The following PARD3 variants were observed in gnomAD, a reference collection of about 807,000 sequenced individuals.
PARD3 encodes the protein partitioning defective 3 homolog.
A neutral mutation model predicts 155.4 loss-of-function variants in PARD3; 75 were observed. The ratio of observed to expected loss-of-function variants is 0.48; its 90% confidence interval spans 0.40 to 0.58. The LOEUF (loss-of-function observed/expected upper bound fraction) is 0.58. Among genes scored for constraint, PARD3 ranks in the 20% least tolerant of loss-of-function variants. The probability of loss-of-function intolerance (pLI) is 0.00; values close to 1 mark genes in which losing one functional copy is unlikely to be tolerated. For missense variants in PARD3, 1,642 were observed against 1,721.7 expected (o/e 0.95, Z 0.82); for synonymous variants, 576 against 610.5 (o/e 0.94, Z 0.83).
At chr10:34,178,394 T>G (rs1199785056) in intron 22 of PARD3, among the ~76,000 whole-genome samples, 1 of 152,240 alleles carries the variant, frequency 6.6e-6, no homozygotes, top group African/African-American at 2.4e-5. Context: ...AAGATCACTT[T>G]GCACCACAAA....
chr10:34,545,429 T>C (rs1785463612), intron 2 of PARD3, among the ~76,000 whole-genome samples: 1 of 152,184 alleles, frequency 6.6e-6, no homozygotes, highest in Non-Finnish European at 1.5e-5. Context: ...TATAAACATT[T>C]GGACATGGTA....
Position 34,118,133 on chromosome 10 carries a change from C to A in PARD3, c.3668+1480G>T, listed in dbSNP as rs1588826611. ...CTCTTACCTACAGCAGGCTAAAGAA[C>A]CTGGCAATTCTCCTCTTTAAAGGAA... On this transcript the variant is annotated intron_variant, in intron 24 of 24. Coordinates refer to ENST00000374788, the MANE Select transcript of PARD3 (RefSeq NM_001184785.2). 2.0e-5 allele frequency among the ~76,000 whole-genome samples: 3 copies of A among 152,098 alleles called. No homozygotes were observed. In the South Asian group the frequency reaches 6.2e-4, roughly 32 times the overall value.
intron 2 of PARD3, among the ~76,000 whole-genome samples, chr10:34,518,024 G>A (rs1014087805): frequency 5.9e-5 from 9 of 152,072 alleles, no homozygotes; most frequent in African/African-American, 1.7e-4. Flanking sequence ...GATTACAGGC[G>A]TATGCCACCA....
intron 2 of PARD3, among the ~76,000 whole-genome samples, chr10:34,539,837 C>A (rs80254764): frequency 1.3e-5 from 2 of 152,178 alleles, no homozygotes; most frequent in Admixed American, 6.5e-5. Flanking sequence ...TAGGCCAGGG[C>A]GGGAGTGTGT....
chr10:34,725,583 T>G (rs1022649628), intron 1 of PARD3, among the ~76,000 whole-genome samples: 1 of 152,210 alleles, frequency 6.6e-6, no homozygotes, highest in East Asian at 1.9e-4. Context: ...AGTAGTGTTA[T>G]TCATCGTAAA....
chr10:34,663,892 G>T (rs1445806730), intron 2 of PARD3: 1 of 152,212 alleles, frequency 6.6e-6, no homozygotes, highest in Non-Finnish European at 1.5e-5. Flanking sequence ...TTGGGTCTGG[G>T]TGCTGTCCTT....
At chr10:34,459,119 T>G (rs764197427) in intron 4 of PARD3, among the ~76,000 whole-genome samples, 18 of 152,236 alleles carry the variant, frequency 1.2e-4, no homozygotes, top group Non-Finnish European at 1.9e-4. Context: ...AAAAACATTT[T>G]AGAAAGTGCT....
chr10:34,656,778 C>A (rs2093178260), intron 2 of PARD3, among the ~76,000 whole-genome samples: 1 of 152,128 alleles, frequency 6.6e-6, no homozygotes, highest in African/African-American at 2.4e-5. Flanking sequence ...CTCAGGGCCG[C>A]AGGAGAAGTC....
chr10:34,319,003 G>A (rs4391769), intron 19 of PARD3, among the ~76,000 whole-genome samples: 89,254 of 150,028 alleles, frequency 0.59, 28,570 homozygotes, highest in African/African-American at 0.85. Flanking sequence ...CTGGTCTTGA[G>A]CTCCTGACCT....
chr10:34,193,363 C>T (rs1456636572), intron 22 of PARD3, among the ~76,000 whole-genome samples: 1 of 151,992 alleles, frequency 6.6e-6, no homozygotes, highest in Non-Finnish European at 1.5e-5. Flanking sequence ...GCATTTTTTC[C>T]CCTTGCTTAC....
intron 19 of PARD3, among the ~76,000 whole-genome samples, chr10:34,321,091 C>T (rs1204861134): frequency 1.3e-5 from 2 of 151,934 alleles, no homozygotes; most frequent in Non-Finnish European, 1.5e-5. Flanking sequence ...GTTACACATG[C>T]TTAATTTTTG....
chr10:34,447,480 C>CA (rs745637071), intron 5 of PARD3, among the ~76,000 whole-genome samples: 507 of 37,212 alleles, frequency 0.014, 144 homozygotes, highest in Non-Finnish European at 0.019. Context: ...GACTGCGTCT[C>CA]AAAAAAAAAA....
chr10:34,483,342 C>A (rs1411149901), intron 3 of PARD3, among the ~76,000 whole-genome samples: 1 of 151,890 alleles, frequency 6.6e-6, no homozygotes, highest in East Asian at 1.9e-4. Context: ...ATTAGCTAGG[C>A]ACAGTGGCAC....
rs889532625 is a variant in PARD3, at chr10:34,583,565, A to G, written c.223-66406T>C. ...TTACCTCTGCCTTCTTTAATGTTCC[A>G]TCAATCAGTCCAGCCTTCTAAATTG... On this transcript the variant is annotated intron_variant, in intron 2 of 24. Transcript: ENST00000374788. Among the ~76,000 whole-genome samples, 8 of 152,222 alleles carry G rather than the reference A, an allele frequency of 5.3e-5. No individual in the cohort carries two copies. In the South Asian group the frequency reaches 8.3e-4, roughly 16 times the overall value.
chr10:34,679,174 T>C (rs2093765156), intron 2 of PARD3, among the ~76,000 whole-genome samples: 1 of 151,772 alleles, frequency 6.6e-6, no homozygotes, highest in South Asian at 2.1e-4. Context: ...GGAAAGCAGG[T>C]GGAAAATAGG....
At chr10:34,214,963 G>A (rs1457749619) in intron 22 of PARD3, among the ~76,000 whole-genome samples, 1 of 152,202 alleles carries the variant, frequency 6.6e-6, no homozygotes, top group Admixed American at 6.5e-5. Flanking sequence ...GTTTTGTTAA[G>A]GGTTGTCAGA....
At chr10:34,521,828 A>C (rs2082166398) in intron 2 of PARD3, among the ~76,000 whole-genome samples, 1 of 152,254 alleles carries the variant, frequency 6.6e-6, no homozygotes, top group Non-Finnish European at 1.5e-5. Flanking sequence ...AAGACCTGAA[A>C]GCCCACAACT....
Position 34,378,147 on chromosome 10 carries a change from A to C in PARD3, c.1400-41T>G. 3 of 1,509,514 alleles carry C rather than the reference A, an allele frequency of 2.0e-6. No homozygotes were observed. In the South Asian group the frequency reaches 3.8e-5, roughly 19 times the overall value. 93.5% of individuals were successfully genotyped at this position (1,509,514 alleles called of 1,614,324 possible). ...AGAAGAAAAGTAAATAAAATGAGAT[A>C]TCTTGAATTTTACAGGTGTATTGCA... On this transcript the variant is annotated intron_variant, in intron 9 of 24. Transcript: ENST00000374788.
chr10:34,476,526 G>A (rs2078716161), intron 3 of PARD3, among the ~76,000 whole-genome samples: 1 of 152,096 alleles, frequency 6.6e-6, no homozygotes. Context: ...CACACGCTAA[G>A]AACCACTGGC....
Sources: allele counts gnomAD v4.1 joint callset (sites outside exome capture counted in the v4.1 genomes callset), GRCh38; gene constraint gnomAD v4.1.1; transcripts MANE v1.5; gene names NCBI Gene and HGNC (gene_info 2026-07-23, HGNC 2026-07-21).